Variants in OR51B5 observed in about 807,000 individuals in gnomAD.
OR51B5 encodes olfactory receptor 51B5.
For missense variants in OR51B5, 456 were observed against 374.6 expected (o/e 1.22, Z -1.79); for synonymous variants, 186 against 144.8 (o/e 1.28, Z -2.04).
At chr11:5,423,336 G>A (rs943799296) in intron 1 of OR51B5, 9 of 625,372 alleles carry the variant, frequency 1.4e-5, no homozygotes, top group South Asian at 2.5e-5. Context: ...CTATGCAAAA[G>A]AGATATGGAT....
intron 1 of OR51B5, among the ~76,000 whole-genome samples, chr11:5,395,132 G>A (rs1056181041): frequency 1.3e-5 from 2 of 152,100 alleles, no homozygotes; most frequent in African/African-American, 4.8e-5. Context: ...AAATGCTTTG[G>A]TCTAGGAGGA....
At chr11:5,368,542 A>G (rs4910773) in intron 1 of OR51B5, among the ~76,000 whole-genome samples, 90,556 of 151,960 alleles carry the variant, frequency 0.6, 27,076 homozygotes, top group South Asian at 0.7. Flanking sequence ...TACTCTGTCT[A>G]GCTCTGACAA....
intron 1 of OR51B5, chr11:5,441,106 C>T (rs1850681339): frequency 3.7e-6 from 6 of 1,613,988 alleles, no homozygotes; most frequent in Middle Eastern, 1.6e-4. Context: ...TGAGTGAGCA[C>T]AGTGACATAG....
At chr11:5,471,857 T>C (rs1851234878) in intron 1 of OR51B5, among the ~76,000 whole-genome samples, 4 of 152,220 alleles carry the variant, frequency 2.6e-5, no homozygotes, top group Middle Eastern at 3.4e-3. Flanking sequence ...GAAAGAGTAA[T>C]GCAAAGTAAA....
At chr11:5,413,080 A>G (rs1336616630) in intron 1 of OR51B5, among the ~76,000 whole-genome samples, 22 of 152,148 alleles carry the variant, frequency 1.4e-4, no homozygotes, top group Admixed American at 1.4e-3. Flanking sequence ...TACTCCTCTG[A>G]GACAAAACTT....
chr11:5,357,582 C>G (rs137959083), intron 1 of OR51B5, among the ~76,000 whole-genome samples: 1 of 151,888 alleles, frequency 6.6e-6, no homozygotes, highest in East Asian at 1.9e-4. Context: ...GACAGATCAA[C>G]GAGACAGAAA....
intron 1 of OR51B5, among the ~76,000 whole-genome samples, chr11:5,449,082 C>T (rs999164169): frequency 3.3e-5 from 5 of 152,264 alleles, no homozygotes; most frequent in East Asian, 1.9e-4. Context: ...TCTCTTACAG[C>T]GATTGCCTGT....
chr11:5,473,707 C>A (rs1385040237), intron 1 of OR51B5, among the ~76,000 whole-genome samples: 1 of 152,078 alleles, frequency 6.6e-6, no homozygotes, highest in Non-Finnish European at 1.5e-5. Context: ...GAAGAGTATT[C>A]AAATTCTTTA....
At chr11:5,423,419 C>T (rs1252771415) in intron 1 of OR51B5, among the ~76,000 whole-genome samples, 1 of 152,146 alleles carries the variant, frequency 6.6e-6, no homozygotes, top group African/African-American at 2.4e-5. Flanking sequence ...GAGTAAAGTT[C>T]TCTCGAAGCT....
chr11:5,343,071 C>T (rs1308834586), exon 1 of OR51B5: 1 of 1,612,880 alleles, frequency 6.2e-7, no homozygotes, highest in African/African-American at 1.3e-5. Flanking sequence ...ACAACGGATA[C>T]AAATCCCCTC....
chr11:5,366,434 C>G (rs1387243188), intron 1 of OR51B5, among the ~76,000 whole-genome samples: 1 of 152,060 alleles, frequency 6.6e-6, no homozygotes, highest in African/African-American at 2.4e-5. Flanking sequence ...TGGTGAAACC[C>G]TGTCTCTAAT....
At chr11:5,474,974 G>C (rs150299247) in intron 1 of OR51B5, among the ~76,000 whole-genome samples, 106 of 152,282 alleles carry the variant, frequency 7.0e-4, no homozygotes, top group African/African-American at 2.5e-3. Context: ...AGATAAACTA[G>C]AAATGGCCAG....
chr11:5,458,740 T>G (rs1345373599), intron 1 of OR51B5, among the ~76,000 whole-genome samples: 1 of 152,210 alleles, frequency 6.6e-6, no homozygotes, highest in African/African-American at 2.4e-5. Context: ...ACTGACTTCT[T>G]GATGTGGCTC....
chr11:5,403,328 C>G, intron 1 of OR51B5: 3 of 471,642 alleles, frequency 6.4e-6, no homozygotes, highest in Non-Finnish European at 8.8e-6. Context: ...ACACATGTGG[C>G]TCACACGTCT....
intron 1 of OR51B5, among the ~76,000 whole-genome samples, chr11:5,484,515 A>T (rs1165855347): frequency 0.013 from 2,042 of 152,290 alleles, 34 homozygotes; most frequent in African/African-American, 0.043. Flanking sequence ...TCCCCTATTA[A>T]CACAGGTCAG....
At chr11:5,363,393 A>G (rs796659720) in intron 1 of OR51B5, among the ~76,000 whole-genome samples, 1 of 149,272 alleles carries the variant, frequency 6.7e-6, no homozygotes, top group South Asian at 2.1e-4. Flanking sequence ...TGTTGAGTAC[A>G]TGATCCTAAT....
chr11:5,480,192 G>C (rs1447776496), intron 1 of OR51B5, among the ~76,000 whole-genome samples: 1 of 150,696 alleles, frequency 6.6e-6, no homozygotes, highest in African/African-American at 2.4e-5. Flanking sequence ...TAGAACTCAG[G>C]ATTAAGAATC....
chr11:5,466,119 C>G (rs1017506362), intron 1 of OR51B5, among the ~76,000 whole-genome samples: 2 of 152,196 alleles, frequency 1.3e-5, no homozygotes, highest in African/African-American at 4.8e-5. Flanking sequence ...CAAAAACAAA[C>G]AACCCCATCA....
intron 1 of OR51B5, among the ~76,000 whole-genome samples, chr11:5,483,907 A>G (rs1470580256): frequency 1.3e-5 from 2 of 152,110 alleles, no homozygotes; most frequent in Non-Finnish European, 2.9e-5. Flanking sequence ...AACACGAATT[A>G]CACATTCAGA....
Sources: allele counts gnomAD v4.1 joint callset (sites outside exome capture counted in the v4.1 genomes callset), GRCh38; gene constraint gnomAD v4.1.1; transcripts MANE v1.5; gene names NCBI Gene and HGNC (gene_info 2026-07-23, HGNC 2026-07-21).